Variants in LRRC17 observed in about 807,000 individuals in gnomAD.
LRRC17 encodes the protein leucine-rich repeat-containing protein 17.
LRRC17 carries 33 observed loss-of-function variants against 41.5 expected under a neutral mutation model. That is an observed-to-expected ratio of 0.80 (90% confidence interval 0.60 to 1.06). LRRC17 has a LOEUF of 1.06. Among genes scored for constraint, LRRC17 ranks in the 50% least tolerant of loss-of-function variants. LRRC17 has a pLI of 0.00. For synonymous variants in LRRC17, 192 were observed against 197.0 expected (o/e 0.97, Z 0.21); for missense variants, 491 against 519.3 (o/e 0.95, Z 0.53).
intron 2 of LRRC17, 105 bp from the exon 3 acceptor site, chr7:102,939,325 C>A: frequency 1.1e-6 from 1 of 936,370 alleles, no homozygotes; most frequent in Non-Finnish European, 1.6e-6. Context: ...TATCCCTTTA[C>A]CCCTTCTCTT....
Position 102,934,375 on chromosome 7 carries a change from C to T in LRRC17, c.462C>T (p.Leu154=), listed in dbSNP as rs561897848. 1.3e-5 allele frequency: 21 copies of T among 1,614,192 alleles called. No individual in the cohort carries two copies. The South Asian group carries it at 2.3e-4, about 18-fold the overall frequency. The part of the protein sequence containing the change: ...LTEEVFIYTP[L]LSYLRLYDNP... ...AGGAAGTGTTCATTTACACACCTCT[C>T]TTGAGCTACCTGCGTCTTTATGACA... The change falls in exon 2 of 4, where the codon CTC becomes CTT. Residue 154 remains leucine (L), a synonymous_variant. Coordinates refer to ENST00000339431, the MANE Select transcript of LRRC17 (RefSeq NM_001031692.3).
chr7:102,938,174 T>G lies in LRRC17; in HGVS notation c.773-1256T>G, dbSNP rs1030290896. Reference sequence around the variant, plus strand: ...GGTAAACGGATTTGTCAAGAATACATGAAAGTCAGAGTTTTTAAACTGCTT... The same window carrying G: ...GGTAAACGGATTTGTCAAGAATACAGGAAAGTCAGAGTTTTTAAACTGCTT... On this transcript the variant is annotated intron_variant, in intron 2 of 3. Transcript: ENST00000339431. Among the ~76,000 whole-genome samples, 3 of 152,242 alleles carry G rather than the reference T, an allele frequency of 2.0e-5. No homozygotes were observed. In the East Asian group the frequency reaches 5.8e-4, roughly 29 times the overall value.
Position 102,944,324 on chromosome 7 carries a change from G to A in LRRC17, c.1043G>A (p.Arg348Lys). ...DLYFLKLLWL[R>K]DNPWRCDYNI... ...TATTTTTTGAAACTCTTGTGGCTCA[G>A]AGATAACCCTTGGAGATGTGACTAC... The change falls in exon 4 of 4, where the codon AGA becomes AAA. Residue 348 changes from arginine (R) to lysine (K), a missense_variant. Coordinates refer to ENST00000339431, the MANE Select transcript of LRRC17 (RefSeq NM_001031692.3). 6.2e-7 allele frequency: 1 copy of A among 1,614,052 alleles called. No homozygotes were observed. The highest frequency in any genetic ancestry group is 2.2e-5 in the East Asian group (1 of 44,870).
intron 1 of LRRC17, chr7:102,926,408 A>T (rs1391513863): frequency 3.2e-6 from 5 of 1,539,294 alleles, no homozygotes; most frequent in East Asian, 4.6e-5. Context: ...GGCTTATCAA[A>T]TTATAGCAGG....
chr7:102,921,581 G>A (rs1817039381), intron 1 of LRRC17, among the ~76,000 whole-genome samples: 1 of 152,128 alleles, frequency 6.6e-6, no homozygotes, highest in South Asian at 2.1e-4. Flanking sequence ...TTGGGAGGCT[G>A]AGGCAGGAAA....
At chr7:102,938,625 T>C (rs900305214) in intron 2 of LRRC17, among the ~76,000 whole-genome samples, 3 of 152,220 alleles carry the variant, frequency 2.0e-5, no homozygotes, top group Admixed American at 1.3e-4. Flanking sequence ...ACATAGTACC[T>C]GGACTAGAAA....
At chr7:102,941,369 C>T (rs1821390424) in intron 3 of LRRC17, among the ~76,000 whole-genome samples, 1 of 152,066 alleles carries the variant, frequency 6.6e-6, no homozygotes, top group East Asian at 1.9e-4. Context: ...CACTTCGACC[C>T]CCTATGATTC....
At chr7:102,940,659 T>C (rs1229258588) in intron 3 of LRRC17, among the ~76,000 whole-genome samples, 6 of 152,216 alleles carry the variant, frequency 3.9e-5, no homozygotes, top group Admixed American at 3.9e-4. Context: ...GCCAGACATA[T>C]TATATCTAGT....
rs772707734 is a variant in LRRC17 at position 102,934,008 on chromosome 7, A to G, written c.95A>G (p.His32Arg). ...SPGSVRSRVN[H>R]GRAGGGRRGS... ...GGCAGTGTGAGAAGCCGAGTGAATC[A>G]TGGCCGGGCGGGTGGAGGCCGGAGA... The change falls in exon 2 of 4, where the codon CAT (histidine) becomes CGT (arginine). Residue 32 changes from histidine to arginine, a missense_variant. Physicochemically the swap from His to Arg is conservative, Grantham distance 29. Coordinates refer to ENST00000339431, the MANE Select transcript of LRRC17 (RefSeq NM_001031692.3). The G allele has an allele frequency of 2.5e-6, 4 of 1,614,114 alleles. No homozygotes were observed. Among genetic ancestry groups the G allele is most frequent in the Non-Finnish European group, 3.4e-6 (4 of 1,179,956 alleles).
intron 1 of LRRC17, among the ~76,000 whole-genome samples, chr7:102,920,799 T>G (rs1188785218): frequency 6.6e-6 from 1 of 152,040 alleles, no homozygotes; most frequent in Non-Finnish European, 1.5e-5. Context: ...TACAGAGAAA[T>G]GTAGTTATTC....
At chr7:102,927,346 T>C (rs188716899) in intron 1 of LRRC17, among the ~76,000 whole-genome samples, 15 of 152,270 alleles carry the variant, frequency 9.9e-5, no homozygotes, top group African/African-American at 3.6e-4. Flanking sequence ...TATCTATCTG[T>C]CTGGAAGAGG....
At chr7:102,931,262 T>A (rs1406162417) in intron 1 of LRRC17, among the ~76,000 whole-genome samples, 1 of 152,136 alleles carries the variant, frequency 6.6e-6, no homozygotes, top group African/African-American at 2.4e-5. Flanking sequence ...ACACAGAAAC[T>A]GAAACAAGTG....
chr7:102,932,872 G>T (rs906442819), intron 1 of LRRC17, among the ~76,000 whole-genome samples: 4 of 152,158 alleles, frequency 2.6e-5, no homozygotes, highest in Admixed American at 1.3e-4. Flanking sequence ...TGGGATTACA[G>T]GCATGAGCCA....
intron 3 of LRRC17, 66 bp from the exon 4 acceptor site, chr7:102,944,144 C>T (rs1822004907): frequency 2.4e-6 from 3 of 1,229,386 alleles, no homozygotes; most frequent in South Asian, 1.9e-5. Context: ...TGTATTTGTC[C>T]TTTCCATATG....
chr7:102,915,695 AAC>A (rs1387695653), intron 1 of LRRC17, among the ~76,000 whole-genome samples: 3 of 151,774 alleles, frequency 2.0e-5, no homozygotes, highest in Admixed American at 6.6e-5. Context: ...AGATTACAAA[AAC>A]AGCCAATTAT....
At chr7:102,915,377 A>G (rs1815636345) in intron 1 of LRRC17, among the ~76,000 whole-genome samples, 1 of 152,172 alleles carries the variant, frequency 6.6e-6, no homozygotes, top group Non-Finnish European at 1.5e-5. Flanking sequence ...ATAGTAACAC[A>G]TTAACTATTT....
At chr7:102,932,666 C>T (rs1374920190) in intron 1 of LRRC17, among the ~76,000 whole-genome samples, 1 of 91,122 alleles carries the variant, frequency 1.1e-5, no homozygotes, top group Non-Finnish European at 2.5e-5. Context: ...ACCATGTTGG[C>T]TCACTGCAGC....
intron 1 of LRRC17, among the ~76,000 whole-genome samples, chr7:102,915,334 T>C (rs1252223467): frequency 6.6e-6 from 1 of 152,130 alleles, no homozygotes; most frequent in Admixed American, 6.5e-5. Context: ...TTTAAAACTA[T>C]ATGTAATATT....
In LRRC17 at chr7:102,922,064, C is replaced by A. The variant is rs182839034; in HGVS notation, c.-141+8919C>A. On this transcript the variant is annotated intron_variant, in intron 1 of 3. Coordinates refer to ENST00000339431, the MANE Select transcript of LRRC17 (RefSeq NM_001031692.3). ...AATCAGCAGAGTGTGGTGGCAGACA[C>A]CTGTAATCCTAGTTACTCAGGAGGC... Among the ~76,000 whole-genome samples the A allele has an allele frequency of 2.0e-3, 299 of 152,170 alleles. 4 individuals carry two copies. Among genetic ancestry groups the A allele is most frequent in the South Asian group, 0.017 (84 of 4,822 alleles).
Sources: gnomAD v4.1 joint callset for allele counts (sites outside exome capture counted in the v4.1 genomes callset) on GRCh38, gnomAD v4.1.1 for gene constraint, MANE v1.5 for transcripts, NCBI Gene and HGNC (gene_info 2026-07-23, HGNC 2026-07-21) for gene names.